HFM1: variants seen among roughly 807,000 people sequenced by gnomAD.
The protein encoded by HFM1 is helicase for meiosis 1.
A neutral mutation model predicts 192.1 loss-of-function variants in HFM1; 169 were observed. The observed-to-expected ratio is 0.88, with a 90% CI of 0.78 to 1.00. HFM1 has a LOEUF of 1.00. Ranked by LOEUF, HFM1 falls within the 50% of genes least tolerant of loss-of-function variation. HFM1 has a pLI of 0.00. For missense variants in HFM1, 1,661 were observed against 1,668.0 expected (o/e 1.00, Z 0.07); for synonymous variants, 525 against 537.8 (o/e 0.98, Z 0.33).
At chr1:91,361,440 C>G (rs1404201776) in intron 13 of HFM1, among the ~76,000 whole-genome samples, 1 of 152,094 alleles carries the variant, frequency 6.6e-6, no homozygotes, top group Non-Finnish European at 1.5e-5. Context: ...TGCACATAAA[C>G]TAGAAAATCT....
At chr1:91,311,005 T>C (rs1034311016) in intron 30 of HFM1, among the ~76,000 whole-genome samples, 2 of 152,184 alleles carry the variant, frequency 1.3e-5, no homozygotes, top group Admixed American at 1.3e-4. Flanking sequence ...TGGAACAGTT[T>C]GGAGAGCTCA....
chr1:91,287,403 T>G (rs9659536), intron 30 of HFM1, among the ~76,000 whole-genome samples: 49,262 of 151,446 alleles, frequency 0.33, 8,629 homozygotes, highest in East Asian at 0.68. Flanking sequence ...AGGGGCAGAC[T>G]GACACCTCAC....
intron 20 of HFM1, among the ~76,000 whole-genome samples, chr1:91,333,267 G>A (rs970262897): frequency 1.3e-5 from 2 of 152,158 alleles, no homozygotes; most frequent in African/African-American, 4.8e-5. Flanking sequence ...GTATTAATCA[G>A]CCACAGAAAG....
intron 26 of HFM1, 36 bp from the exon 27 acceptor site, chr1:91,316,220 C>T: frequency 7.9e-7 from 1 of 1,262,250 alleles, no homozygotes; most frequent in Non-Finnish European, 1.1e-6. Context: ...CTTACCACAA[C>T]ACTTGAAATT....
intron 13 of HFM1, among the ~76,000 whole-genome samples, chr1:91,363,227 T>G (rs1658758278): frequency 6.6e-6 from 1 of 151,786 alleles, no homozygotes; most frequent in Non-Finnish European, 1.5e-5. Flanking sequence ...AAAAGAAATA[T>G]CATGAGAGTA....
intron 25 of HFM1, among the ~76,000 whole-genome samples, chr1:91,318,672 T>C (rs1570932957): frequency 6.6e-6 from 1 of 151,144 alleles, no homozygotes; most frequent in African/African-American, 2.4e-5. Context: ...CATAAAGAGG[T>C]GACATAATTT....
intron 13 of HFM1, among the ~76,000 whole-genome samples, chr1:91,374,167 T>C (rs1660612274): frequency 6.6e-6 from 1 of 152,122 alleles, no homozygotes; most frequent in Admixed American, 6.6e-5. Flanking sequence ...CAGTTTGGTG[T>C]ATTCACAGAA....
At chr1:91,309,423 A>T (rs1650118704) in intron 30 of HFM1, among the ~76,000 whole-genome samples, 1 of 152,378 alleles carries the variant, frequency 6.6e-6, no homozygotes, top group East Asian at 1.9e-4. Flanking sequence ...TAAAAATATA[A>T]AATAAAATGA....
intron 4 of HFM1, among the ~76,000 whole-genome samples, chr1:91,388,325 G>A (rs1662503213): frequency 6.6e-6 from 1 of 152,180 alleles, no homozygotes; most frequent in Non-Finnish European, 1.5e-5. Flanking sequence ...CAGTCTTACA[G>A]AACTGAGCCT....
At chr1:91,277,188 T>A in intron 30 of HFM1, 126 bp from the exon 31 acceptor site, 1 of 514,766 alleles carries the variant, frequency 1.9e-6, no homozygotes. Context: ...TTATACTTTC[T>A]CAAGTGTTTT....
At chr1:91,318,937 T>C in intron 25 of HFM1, 141 bp downstream of exon 25, 1 of 683,492 alleles carries the variant, frequency 1.5e-6, no homozygotes, top group Non-Finnish European at 2.3e-6. Flanking sequence ...AATCAGATTT[T>C]CGAAAGTACA....
intron 30 of HFM1, among the ~76,000 whole-genome samples, chr1:91,296,419 T>C: frequency 6.6e-6 from 1 of 152,200 alleles, no homozygotes; most frequent in East Asian, 1.9e-4. Flanking sequence ...TATTATCTAC[T>C]GTTTAATAAC....
At chr1:91,287,214 A>T (rs1461789888) in intron 30 of HFM1, among the ~76,000 whole-genome samples, 2 of 152,250 alleles carry the variant, frequency 1.3e-5, no homozygotes, top group African/African-American at 4.8e-5. Context: ...GGCAGCGCAC[A>T]GGCAAACAAA....
At chr1:91,400,092 T>G (rs893146210) in intron 2 of HFM1, among the ~76,000 whole-genome samples, 1 of 152,178 alleles carries the variant, frequency 6.6e-6, no homozygotes, top group Non-Finnish European at 1.5e-5. Flanking sequence ...CTTTCAACTT[T>G]CAATCAATAT....
chr1:91,304,447 AAG>A (rs34182924), intron 30 of HFM1, among the ~76,000 whole-genome samples: 45,216 of 151,664 alleles, frequency 0.3, 6,989 homozygotes, highest in Non-Finnish European at 0.34. Context: ...GTTTTCTTTT[AAG>A]AGTTTTATAG....
intron 30 of HFM1, among the ~76,000 whole-genome samples, chr1:91,285,239 T>C (rs1667846382): frequency 6.6e-6 from 1 of 152,176 alleles, no homozygotes; most frequent in African/African-American, 2.4e-5. Context: ...CTAATATAAG[T>C]TGTAGAAAGC....
rs570055327 is a variant in HFM1 at position 91,277,500 on chromosome 1, C to G, written c.3392-438G>C. The stretch of plus-strand genomic sequence containing the variant: ...TCCCTGGTGTGTGTGTATAATCTCC[C>G]TGGTGGGTGTGTGTGTGTGTGTGTG... On this transcript the variant is annotated intron_variant, in intron 30 of 38. Transcript: ENST00000370425. Among the ~76,000 whole-genome samples, 318 of 78,090 alleles carry G rather than the reference C, an allele frequency of 4.1e-3. 1 individual carries two copies. Among genetic ancestry groups the G allele is most frequent in the African/African-American group, 0.014 (300 of 21,074 alleles). 51.2% of individuals were successfully genotyped at this position (78,090 alleles called of 152,430 possible). A position where few individuals can be genotyped will look rare whatever the true frequency, so the allele number is the denominator to read the frequency against.
intron 21 of HFM1, among the ~76,000 whole-genome samples, chr1:91,323,579 T>C (rs1652449548): frequency 1.3e-5 from 2 of 152,216 alleles, no homozygotes; most frequent in Admixed American, 6.5e-5. Context: ...TCTACTGTTC[T>C]ATAGTTTGCA....
At chr1:91,393,524 G>A (rs1357614794) in intron 4 of HFM1, among the ~76,000 whole-genome samples, 1 of 152,028 alleles carries the variant, frequency 6.6e-6, no homozygotes, top group Non-Finnish European at 1.5e-5. Context: ...AAAAACCTAG[G>A]AGTCAGATCT....
Sources: allele counts gnomAD v4.1 joint callset (sites outside exome capture counted in the v4.1 genomes callset), GRCh38; gene constraint gnomAD v4.1.1; transcripts MANE v1.5; gene names NCBI Gene and HGNC (gene_info 2026-07-23, HGNC 2026-07-21).